The following NELL1 variants were observed in gnomAD, a reference collection of about 807,000 sequenced individuals.
NELL1 encodes neural EGFL like 1, also known as protein kinase C-binding protein NELL1.
NELL1 carries 76 observed loss-of-function variants against 107.4 expected under a neutral mutation model. That is an observed-to-expected ratio of 0.71 (90% confidence interval 0.59 to 0.86). The LOEUF (loss-of-function observed/expected upper bound fraction) is 0.86. Ranked by LOEUF, NELL1 falls within the 40% of genes least tolerant of loss-of-function variation. NELL1 has a pLI of 0.00. For missense variants in NELL1, 1,024 were observed against 1,005.5 expected (o/e 1.02, Z -0.25); for synonymous variants, 353 against 341.2 (o/e 1.03, Z -0.38).
intron 13 of NELL1, among the ~76,000 whole-genome samples, chr11:21,190,858 C>T (rs1213543731): frequency 6.6e-6 from 1 of 151,748 alleles, no homozygotes; most frequent in East Asian, 1.9e-4. Context: ...TATTATGTTG[C>T]CTCAGTTTAT....
intron 12 of NELL1, among the ~76,000 whole-genome samples, chr11:21,024,552 G>C (rs1852772834): frequency 6.6e-6 from 1 of 152,070 alleles, no homozygotes; most frequent in African/African-American, 2.4e-5. Flanking sequence ...TTATTTTGAG[G>C]AGTAACTGGA....
At chr11:20,921,039 T>G (rs1850366501) in intron 7 of NELL1, among the ~76,000 whole-genome samples, 1 of 152,148 alleles carries the variant, frequency 6.6e-6, no homozygotes, top group Non-Finnish European at 1.5e-5. Flanking sequence ...GAATAAGCAT[T>G]GGCAAACTTT....
At chr11:21,199,572 G>T (rs187712391) in intron 13 of NELL1, among the ~76,000 whole-genome samples, 1 of 152,138 alleles carries the variant, frequency 6.6e-6, no homozygotes, top group Admixed American at 6.6e-5. Flanking sequence ...TTTGAGTCTG[G>T]CTAGTTAGAA....
chr11:21,239,006 C>CG (rs1244764780), intron 14 of NELL1, among the ~76,000 whole-genome samples: 1 of 152,016 alleles, frequency 6.6e-6, no homozygotes, highest in Non-Finnish European at 1.5e-5. Flanking sequence ...AGTTACTTCA[C>CG]GTGACTGTAA....
chr11:20,893,000 G>A (rs767374345), intron 5 of NELL1, among the ~76,000 whole-genome samples: 7 of 151,136 alleles, frequency 4.6e-5, no homozygotes, highest in African/African-American at 1.5e-4. Context: ...TAGCAAAGAC[G>A]TGGAACTAAC....
intron 12 of NELL1, among the ~76,000 whole-genome samples, chr11:21,042,152 A>C (rs182499739): frequency 1.3e-5 from 2 of 152,222 alleles, no homozygotes; most frequent in African/African-American, 4.8e-5. Context: ...ACCTCTTAAC[A>C]CAATGTATTA....
intron 7 of NELL1, among the ~76,000 whole-genome samples, chr11:20,924,268 G>T (rs1216612797): frequency 6.6e-6 from 1 of 152,172 alleles, no homozygotes; most frequent in East Asian, 1.9e-4. Flanking sequence ...TAAAAGGGAA[G>T]GCAAGAGGTT....
At chr11:21,171,858 G>A (rs1314401742) in intron 13 of NELL1, among the ~76,000 whole-genome samples, 1 of 151,732 alleles carries the variant, frequency 6.6e-6, no homozygotes, top group Non-Finnish European at 1.5e-5. Flanking sequence ...TAAATCAGTT[G>A]CCCTTAATTC....
At position 21,277,881 on chromosome 11, in the gene NELL1, A is replaced by G. The variant is rs112684444; in HGVS notation, c.1549+48427A>G. ...ACACGGACACAGGAATAGGAACATC[A>G]CACACCGGGGCCTGTTGTGGGGTGA... On this transcript the variant is annotated intron_variant, in intron 14 of 19. Coordinates refer to ENST00000357134, the MANE Select transcript of NELL1 (RefSeq NM_006157.5). 5.1e-3 allele frequency among the ~76,000 whole-genome samples: 772 copies of G among 152,220 alleles called. 11 individuals are homozygous for G. The highest frequency in any genetic ancestry group is 0.017 in the African/African-American group (708 of 41,538).
At chr11:21,270,616 CAG>C (rs141319040) in intron 14 of NELL1, among the ~76,000 whole-genome samples, 3,702 of 152,210 alleles carry the variant, frequency 0.024, 55 homozygotes, top group Non-Finnish European at 0.037. Context: ...CTGAAATAAA[CAG>C]AGTCTGCTGG....
chr11:21,466,589 G>A (rs1854037827), intron 15 of NELL1, among the ~76,000 whole-genome samples: 1 of 152,132 alleles, frequency 6.6e-6, no homozygotes, highest in Non-Finnish European at 1.5e-5. Context: ...TTAAAAAATA[G>A]CAAAAGCTTT....
intron 2 of NELL1, among the ~76,000 whole-genome samples, chr11:20,766,824 C>A (rs1016878234): frequency 6.6e-5 from 10 of 151,760 alleles, no homozygotes; most frequent in Non-Finnish European, 1.3e-4. Flanking sequence ...CTTACTGCTG[C>A]CTCTGCCTCT....
intron 14 of NELL1, among the ~76,000 whole-genome samples, chr11:21,363,932 T>C (rs556156755): frequency 6.6e-6 from 1 of 152,244 alleles, no homozygotes; most frequent in Admixed American, 6.5e-5. Context: ...GCCTCTCCCA[T>C]CTAATTTATC....
intron 16 of NELL1, among the ~76,000 whole-genome samples, chr11:21,550,242 C>A (rs568320796): frequency 1.3e-4 from 20 of 151,850 alleles, no homozygotes; most frequent in African/African-American, 4.6e-4. Context: ...GGATATTAGC[C>A]CTTTGTCAGA....
chr11:21,174,062 GAGGTTA>G (rs1224670850), intron 13 of NELL1, among the ~76,000 whole-genome samples: 1 of 151,744 alleles, frequency 6.6e-6, no homozygotes, highest in African/African-American at 2.4e-5. Flanking sequence ...GAAGGTTTGA[GAGGTTA>G]AGGAACATGT....
At chr11:20,915,191 A>G (rs1301777566) in intron 5 of NELL1, among the ~76,000 whole-genome samples, 1 of 151,946 alleles carries the variant, frequency 6.6e-6, no homozygotes, top group South Asian at 2.1e-4. Flanking sequence ...ATTTTACTCT[A>G]TTTATATATG....
intron 14 of NELL1, 100 bp downstream of exon 14, chr11:21,229,554 G>A: frequency 1.3e-6 from 2 of 1,501,004 alleles, no homozygotes; most frequent in South Asian, 1.2e-5. Context: ...GTGGAACACA[G>A]CCAGGGTTCC....
chr11:21,565,723 T>C (rs879806979), intron 17 of NELL1, among the ~76,000 whole-genome samples: 12 of 151,984 alleles, frequency 7.9e-5, no homozygotes, highest in South Asian at 2.1e-4. Flanking sequence ...GATAAGTTTC[T>C]GTTTTGTTAT....
chr11:20,774,224 C>CCCTT (rs1174739086), intron 2 of NELL1, among the ~76,000 whole-genome samples: 1 of 115,114 alleles, frequency 8.7e-6, no homozygotes, highest in Non-Finnish European at 1.8e-5. Context: ...CTCCCTCCTT[C>CCCTT]CCTTCCTTCC....
Sources: gnomAD v4.1 joint callset for allele counts (sites outside exome capture counted in the v4.1 genomes callset) on GRCh38, gnomAD v4.1.1 for gene constraint, MANE v1.5 for transcripts, NCBI Gene and HGNC (gene_info 2026-07-23, HGNC 2026-07-21) for gene names.